CACNA1H: variants seen among roughly 807,000 people sequenced by gnomAD.
The protein encoded by CACNA1H is voltage-dependent T-type calcium channel subunit alpha-1H.
A neutral mutation model predicts 192.5 loss-of-function variants in CACNA1H; 149 were observed. The observed-to-expected ratio is 0.77, with a 90% confidence interval of 0.68 to 0.89. CACNA1H has a LOEUF of 0.89. CACNA1H is among the 40% of genes least tolerant of loss of function. CACNA1H has a pLI of 0.00. For missense variants in CACNA1H, 4,257 were observed against 3,423.5 expected, an observed-to-expected ratio of 1.24 and a Z score of -6.08; for synonymous variants, 2,202 against 1,475.2, an observed-to-expected ratio of 1.49 and a Z score of -11.29.
intron 9 of CACNA1H, among the ~76,000 whole-genome samples, chr16:1,202,846 G>GC (rs1003810909): frequency 1.3e-5 from 2 of 152,108 alleles, no homozygotes; most frequent in Non-Finnish European, 2.9e-5. Context: ...ATTGAGGCTG[G>GC]CCCCCCTTCT....
intron 9 of CACNA1H, among the ~76,000 whole-genome samples, chr16:1,203,176 C>T (rs976029520): frequency 2.0e-5 from 3 of 152,106 alleles, no homozygotes; most frequent in African/African-American, 4.8e-5. Flanking sequence ...GAGTGTCGGG[C>T]GCATGCTCCT....
chr16:1,203,050 G>A (rs1968178399), intron 9 of CACNA1H, among the ~76,000 whole-genome samples: 1 of 152,190 alleles, frequency 6.6e-6, no homozygotes, highest in African/African-American at 2.4e-5. Context: ...TCTGTACACA[G>A]ATGTAGAGAC....
intron 16 of CACNA1H, among the ~76,000 whole-genome samples, chr16:1,208,829 G>A (rs1050670041): frequency 3.3e-5 from 5 of 152,182 alleles, no homozygotes; most frequent in East Asian, 1.9e-4. Context: ...CATCACCCCC[G>A]CGAGGCGGAC....
intron 5 of CACNA1H, among the ~76,000 whole-genome samples, chr16:1,198,028 T>C (rs11866845): frequency 0.21 from 32,411 of 152,106 alleles, 3,721 homozygotes; most frequent in African/African-American, 0.28. Flanking sequence ...CTCTCTGAGA[T>C]GGGGCTCTGT....
chr16:1,214,918 G>A (rs1969879235), intron 27 of CACNA1H, 54 bp from the exon 28 acceptor site: 2 of 1,356,464 alleles, frequency 1.5e-6, no homozygotes, highest in African/African-American at 1.4e-5. Flanking sequence ...GGGAGCCAGG[G>A]GGAAGAGGGG....
chr16:1,210,347 C>A, intron 18 of CACNA1H, 23 bp from the exon 19 acceptor site: 2 of 1,095,010 alleles, frequency 1.8e-6, no homozygotes, highest in Non-Finnish European at 2.6e-6. Context: ...CGCCCCACCT[C>A]TCACCCGCCC....
At chr16:1,215,630 C>A in intron 30 of CACNA1H, 37 bp downstream of exon 30, 1 of 1,572,614 alleles carries the variant, frequency 6.4e-7, no homozygotes, top group East Asian at 2.3e-5. Context: ...CGCAGGCCCC[C>A]GGAAGACGGG....
In CACNA1H at chr16:1,182,352, C is replaced by T. The variant is rs575294431; in HGVS notation, c.300-12620C>T. Among the ~76,000 whole-genome samples the T allele has an allele frequency of 7.9e-5, 12 of 152,276 alleles. No homozygotes were observed. In the South Asian group the frequency reaches 1.7e-3, roughly 21 times the overall value. On this transcript the variant is annotated intron_variant, in intron 2 of 34. Coordinates refer to ENST00000348261, the MANE Select transcript of CACNA1H (RefSeq NM_021098.3). ...TGTTGAGATGGAATGTTCCGGCAGC[C>T]GGGAGTGAGCCGTCCACTCATGCAT...
intron 2 of CACNA1H, among the ~76,000 whole-genome samples, chr16:1,192,390 G>C (rs1032229948): frequency 2.0e-5 from 3 of 152,254 alleles, no homozygotes; most frequent in Non-Finnish European, 4.4e-5. Flanking sequence ...GACTGGCACT[G>C]ATGGGCCCTG....
intron 2 of CACNA1H, among the ~76,000 whole-genome samples, chr16:1,174,068 A>T (rs1352357549): frequency 6.6e-6 from 1 of 152,194 alleles, no homozygotes; most frequent in Admixed American, 6.5e-5. Flanking sequence ...GCCTCCTGAT[A>T]CGGGGAGCTG....
intron 9 of CACNA1H, 56 bp from the exon 10 acceptor site, chr16:1,203,954 G>A (rs1968329265): frequency 7.5e-7 from 1 of 1,340,694 alleles, no homozygotes; most frequent in African/African-American, 1.5e-5. Context: ...GGGTTCCCGG[G>A]CCCTTGTGGC....
intron 29 of CACNA1H, 50 bp downstream of exon 29, chr16:1,215,425 G>A (rs766154628): frequency 6.0e-6 from 6 of 1,001,894 alleles, no homozygotes; most frequent in African/African-American, 1.6e-5. Flanking sequence ...GAGGGTGGGG[G>A]CTCAGCCATG....
At chr16:1,188,836 C>A (rs1471108998) in intron 2 of CACNA1H, among the ~76,000 whole-genome samples, 1 of 152,212 alleles carries the variant, frequency 6.6e-6, no homozygotes, top group African/African-American at 2.4e-5. Flanking sequence ...CCCTCCCAGC[C>A]CTGGTACATC....
chr16:1,194,368 C>T (rs948323030), intron 2 of CACNA1H, among the ~76,000 whole-genome samples: 16 of 152,196 alleles, frequency 1.1e-4, no homozygotes, highest in Non-Finnish European at 1.6e-4. Context: ...AGTCAGCTGA[C>T]GGATTGCCTC....
At chr16:1,181,348 C>G (rs754095612) in intron 2 of CACNA1H, among the ~76,000 whole-genome samples, 1 of 152,254 alleles carries the variant, frequency 6.6e-6, no homozygotes, top group Non-Finnish European at 1.5e-5. Flanking sequence ...TGGCCCTGAC[C>G]GGGGACAGCT....
chr16:1,204,123 G>T lies in CACNA1H; in HGVS notation c.2116G>T (p.Ala706Ser), dbSNP rs765526204. ...GAAGAGCTGCCCGTACTGCACCCGT[G>T]CCCTGGAGGACCCGGAGGGTGAGCT... ...ELKSCPYCTR[A>S]LEDPEGELSG... The change falls in exon 10 of 35, where the codon GCC (alanine) becomes TCC (serine). Residue 706 changes from alanine (A) to serine (S), a missense_variant. Ala to Ser is a moderately conservative substitution (Grantham distance 99). Coordinates refer to ENST00000348261, the MANE Select transcript of CACNA1H (RefSeq NM_021098.3). 1 of 1,612,268 alleles carries T rather than the reference G, an allele frequency of 6.2e-7. No individual in the cohort carries two copies. Among genetic ancestry groups the T allele is most frequent in the South Asian group, 1.1e-5 (1 of 90,988 alleles).
At chr16:1,195,621 C>G in intron 4 of CACNA1H, 56 bp downstream of exon 4, 1 of 1,548,332 alleles carries the variant, frequency 6.5e-7, no homozygotes, top group Non-Finnish European at 8.7e-7. Context: ...GCCCACCCCA[C>G]AGGGATCCCT....
chr16:1,161,028 A>C (rs1963132789), intron 2 of CACNA1H, among the ~76,000 whole-genome samples: 1 of 152,080 alleles, frequency 6.6e-6, no homozygotes, highest in African/African-American at 2.4e-5. Flanking sequence ...CCTCGGGGTG[A>C]AGAGGCTCCT....
In CACNA1H at chr16:1,209,114, G is replaced by A; in HGVS notation, c.3446G>A (p.Gly1149Asp). The A allele has an allele frequency of 6.4e-7, 1 of 1,555,960 alleles. No individual in the cohort carries two copies. The highest frequency in any genetic ancestry group is 8.7e-7 in the Non-Finnish European group (1 of 1,151,966). The change falls in exon 17 of 35, where the codon GGC becomes GAC. Residue 1149 changes from glycine to aspartate, a missense_variant. Coordinates refer to ENST00000348261, the MANE Select transcript of CACNA1H (RefSeq NM_021098.3). Reference sequence around the variant, plus strand: ...CGGCGCTCCAGCTGGAGCAGCCTGGGCCGTGCCCCCAGCCTCAAGCGCCGC... The same window carrying A: ...CGGCGCTCCAGCTGGAGCAGCCTGGACCGTGCCCCCAGCCTCAAGCGCCGC... ...SSRRSSWSSL[G>D]RAPSLKRRGQ...
Sources: allele counts gnomAD v4.1 joint callset (sites outside exome capture counted in the v4.1 genomes callset), GRCh38; gene constraint gnomAD v4.1.1; transcripts MANE v1.5; gene names NCBI Gene and HGNC (gene_info 2026-07-23, HGNC 2026-07-21).